The following NEK11 variants were observed in gnomAD, a reference collection of about 807,000 sequenced individuals.
The protein encoded by NEK11 is serine/threonine-protein kinase Nek11.
NEK11 carries 72 observed loss-of-function variants against 80.7 expected under a neutral mutation model. That is an observed-to-expected ratio of 0.89 (90% CI 0.74 to 1.08). The LOEUF is 1.08. NEK11 is among the 50% of genes least tolerant of loss of function. The pLI, the probability that NEK11 is intolerant of heterozygous loss-of-function variation, is 0.00. For synonymous variants in NEK11, 251 were observed against 260.7 expected (o/e 0.96, Z 0.36); for missense variants, 764 against 763.6 (o/e 1.00, Z -0.01).
chr3:131,150,551 G>A (rs1052035108), intron 7 of NEK11, among the ~76,000 whole-genome samples: 3 of 151,854 alleles, frequency 2.0e-5, no homozygotes, highest in Non-Finnish European at 4.4e-5. Flanking sequence ...TTTGGTGTTT[G>A]TATGGTTTTT....
At chr3:131,224,877 G>A (rs551381988) in intron 14 of NEK11, among the ~76,000 whole-genome samples, 5 of 152,270 alleles carry the variant, frequency 3.3e-5, no homozygotes, top group Admixed American at 1.3e-4. Flanking sequence ...AAATATTTTC[G>A]TACAGCTGTA....
chr3:131,148,006 C>T (rs2088745922), intron 7 of NEK11, among the ~76,000 whole-genome samples: 1 of 151,656 alleles, frequency 6.6e-6, no homozygotes, highest in African/African-American at 2.4e-5. Flanking sequence ...TTTTAAGCTT[C>T]AAAAAATCAG....
intron 17 of NEK11, among the ~76,000 whole-genome samples, chr3:131,277,992 G>C (rs2096327103): frequency 6.6e-6 from 1 of 152,198 alleles, no homozygotes; most frequent in Non-Finnish European, 1.5e-5. Flanking sequence ...AAATCCCCAA[G>C]CCAAGTGTCT....
chr3:131,313,892 A>G (rs539101137), intron 17 of NEK11, among the ~76,000 whole-genome samples: 1 of 152,326 alleles, frequency 6.6e-6, no homozygotes, highest in East Asian at 1.9e-4. Context: ...CTAACAATAA[A>G]TGAATTGGCA....
At chr3:131,279,634 C>G (rs1329012268) in intron 17 of NEK11, among the ~76,000 whole-genome samples, 1 of 152,174 alleles carries the variant, frequency 6.6e-6, no homozygotes, top group Non-Finnish European at 1.5e-5. Context: ...ACCTCACAAC[C>G]ATGGTCTACT....
chr3:131,105,975 A>G (rs553858221), intron 4 of NEK11, among the ~76,000 whole-genome samples: 175 of 152,270 alleles, frequency 1.1e-3, no homozygotes, highest in Non-Finnish European at 2.0e-3. Flanking sequence ...TCTTACCTAT[A>G]TTGTATACTT....
intron 17 of NEK11, among the ~76,000 whole-genome samples, chr3:131,344,898 C>G (rs2097339138): frequency 6.6e-6 from 1 of 152,162 alleles, no homozygotes; most frequent in Admixed American, 6.6e-5. Context: ...CCACCAGGCC[C>G]CACCGCCAAC....
At chr3:131,037,641 TA>T (rs1413833543) in intron 3 of NEK11, among the ~76,000 whole-genome samples, 2 of 152,246 alleles carry the variant, frequency 1.3e-5, no homozygotes, top group Non-Finnish European at 2.9e-5. Flanking sequence ...ACACTTTCAA[TA>T]ATTCAGATTG....
chr3:131,161,777 C>T (rs1349727162), intron 10 of NEK11, among the ~76,000 whole-genome samples: 1 of 152,102 alleles, frequency 6.6e-6, no homozygotes, highest in Non-Finnish European at 1.5e-5. Context: ...ACAACAAACC[C>T]CTATCACTTG....
Position 131,074,092 on chromosome 3 carries a change from A to G in NEK11, c.171-6331A>G, listed in dbSNP as rs1322037216. Among the ~76,000 whole-genome samples the G allele has an allele frequency of 4.6e-5, 7 of 152,076 alleles. No individual in the cohort carries two copies. The East Asian group carries it at 1.4e-3, about 29-fold the overall frequency. On this transcript the variant is annotated intron_variant, in intron 3 of 17. Transcript: ENST00000383366. ...TCAGTGATAACTGTCTTGATGATAT[A>G]CCCTTTCATGGCTTCCTTCCCCTCC...
intron 5 of NEK11, among the ~76,000 whole-genome samples, chr3:131,115,980 TTC>T (rs753186246): frequency 1.4e-5 from 2 of 140,982 alleles, no homozygotes; most frequent in Non-Finnish European, 3.1e-5. Flanking sequence ...CTTTCTTTCT[TTC>T]TTTCTTTATT....
intron 14 of NEK11, among the ~76,000 whole-genome samples, chr3:131,212,892 A>G (rs2094684138): frequency 1.3e-5 from 2 of 152,168 alleles, no homozygotes; most frequent in Admixed American, 6.6e-5. Context: ...TTAAGATGCA[A>G]TTAATATTTT....
chr3:131,078,684 A>T (rs1312741869), intron 3 of NEK11, among the ~76,000 whole-genome samples: 1 of 152,162 alleles, frequency 6.6e-6, no homozygotes, highest in Non-Finnish European at 1.5e-5. Context: ...TCACATTTTT[A>T]AAAATGGTAG....
Position 131,042,867 on chromosome 3 carries a change from G to A in NEK11, c.170+12989G>A, listed in dbSNP as rs1029612561. 2.0e-5 allele frequency among the ~76,000 whole-genome samples: 3 copies of A among 152,286 alleles called. No homozygotes were observed. The East Asian group carries it at 5.8e-4, about 29-fold the overall frequency. On this transcript the variant is annotated intron_variant, in intron 3 of 17. Transcript: ENST00000383366. ...AGGTACCTCACACGGGAGAGCTCTGGCTGGCATCTGGCAGGTGCCACTCTG... is the reference window on the plus strand; with the variant it reads ...AGGTACCTCACACGGGAGAGCTCTGACTGGCATCTGGCAGGTGCCACTCTG...
chr3:131,217,443 A>G (rs1389336830), intron 14 of NEK11, among the ~76,000 whole-genome samples: 2 of 152,104 alleles, frequency 1.3e-5, no homozygotes, highest in African/African-American at 4.8e-5. Context: ...CTGCCTGGGA[A>G]GTGTTTTCCT....
chr3:131,208,429 A>T (rs1302066329), intron 14 of NEK11, among the ~76,000 whole-genome samples: 6 of 152,128 alleles, frequency 3.9e-5, no homozygotes, highest in Non-Finnish European at 8.8e-5. Flanking sequence ...TTGGCTTAGG[A>T]TTGTCTTAGC....
intron 5 of NEK11, among the ~76,000 whole-genome samples, chr3:131,125,955 C>A (rs934337271): frequency 6.6e-6 from 1 of 152,214 alleles, no homozygotes; most frequent in African/African-American, 2.4e-5. Flanking sequence ...GGAAGCAGTG[C>A]AGAGCCATTG....
intron 17 of NEK11, among the ~76,000 whole-genome samples, chr3:131,320,493 C>A (rs190507022): frequency 6.6e-6 from 1 of 151,264 alleles, no homozygotes; most frequent in African/African-American, 2.4e-5. Flanking sequence ...TAATGCAAAT[C>A]TGTCCTCCAG....
intron 3 of NEK11, among the ~76,000 whole-genome samples, chr3:131,057,301 G>T (rs2069744443): frequency 6.6e-6 from 1 of 152,062 alleles, no homozygotes; most frequent in Non-Finnish European, 1.5e-5. Flanking sequence ...TGGACGTTTA[G>T]GTTGGTTCCA....
Sources: gnomAD v4.1 joint callset for allele counts (sites outside exome capture counted in the v4.1 genomes callset) on GRCh38, gnomAD v4.1.1 for gene constraint, MANE v1.5 for transcripts, NCBI Gene and HGNC (gene_info 2026-07-23, HGNC 2026-07-21) for gene names.